Variants in CDK5RAP2 observed in about 807,000 individuals in gnomAD.
CDK5RAP2 encodes the protein CDK5 regulatory subunit associated protein 2.
Under a neutral mutation model 232.9 loss-of-function variants are expected in CDK5RAP2, and 147 were observed. That is an observed-to-expected ratio of 0.63 (90% confidence interval 0.55 to 0.72). CDK5RAP2 has a LOEUF of 0.72. CDK5RAP2 is among the 30% of genes least tolerant of loss of function. The probability of loss-of-function intolerance (pLI) is 0.00; values close to 1 mark genes in which losing one functional copy is unlikely to be tolerated. For synonymous variants in CDK5RAP2, 833 were observed against 833.7 expected (o/e 1.00, Z 0.01); for missense variants, 2,195 against 2,231.5 (o/e 0.98, Z 0.33).
rs1326246739 is a variant in CDK5RAP2, at chr9:120,539,012, T to C, written c.507+29A>G. On this transcript the variant is annotated intron_variant, in intron 6 of 37. Transcript: ENST00000349780. ...CCTATTATTAACCCACTATAAGAAA[T>C]ACACTGCCCTCAGGATTTCCAGACT... 12 of 1,612,194 alleles carry C rather than the reference T, an allele frequency of 7.4e-6. 2 individuals carry two copies. The Admixed American group carries it at 1.3e-4, about 18-fold the overall frequency.
chr9:120,568,224 G>A (rs570184522), intron 3 of CDK5RAP2, 97 bp downstream of exon 3: 7 of 958,344 alleles, frequency 7.3e-6, no homozygotes, highest in African/African-American at 1.6e-5. Flanking sequence ...TGGCATCACC[G>A]AACTTAGATC....
intron 4 of CDK5RAP2, among the ~76,000 whole-genome samples, chr9:120,548,913 T>C (rs182331402): frequency 6.6e-6 from 1 of 152,124 alleles, no homozygotes; most frequent in African/African-American, 2.4e-5. Context: ...TCCAAGCACT[T>C]TGGGAGGCCA....
intron 3 of CDK5RAP2, among the ~76,000 whole-genome samples, chr9:120,552,504 T>G (rs1203290016): frequency 6.6e-6 from 1 of 152,120 alleles, no homozygotes; most frequent in Non-Finnish European, 1.5e-5. Flanking sequence ...CATGGAATAC[T>G]ATGCAGCCAT....
chr9:120,536,989 A>AG (rs1240666406), intron 6 of CDK5RAP2, among the ~76,000 whole-genome samples: 1 of 151,954 alleles, frequency 6.6e-6, no homozygotes, highest in Non-Finnish European at 1.5e-5. Flanking sequence ...AAAAAAAAAA[A>AG]AAAAACAACT....
At chr9:120,517,925 AT>A in intron 12 of CDK5RAP2, 1 of 283,598 alleles carries the variant, frequency 3.5e-6, no homozygotes, top group Non-Finnish European at 7.2e-6. Context: ...GTGGATAAAT[AT>A]TTATGTACAA....
intron 27 of CDK5RAP2, among the ~76,000 whole-genome samples, chr9:120,418,203 C>G (rs2034351786): frequency 6.6e-6 from 1 of 152,102 alleles, no homozygotes; most frequent in Non-Finnish European, 1.5e-5. Context: ...GAGCACTGCC[C>G]CAGTTCAGGT....
chr9:120,509,116 T>C lies in CDK5RAP2; in HGVS notation c.1311+9311A>G, dbSNP rs551232713. On this transcript the variant is annotated intron_variant, in intron 12 of 37. Transcript: ENST00000349780. ...ACTGAGATTCTCCAGAGTTTCTCAA[T>C]AGCAGAGCGCTCCGACTCCCTTCTT... 2.6e-5 allele frequency among the ~76,000 whole-genome samples: 4 copies of C among 152,328 alleles called. No homozygotes were observed. In the East Asian group the frequency reaches 7.7e-4, roughly 29 times the overall value.
intron 22 of CDK5RAP2, among the ~76,000 whole-genome samples, chr9:120,445,456 A>C (rs1395884795): frequency 6.6e-6 from 1 of 152,162 alleles, no homozygotes; most frequent in Non-Finnish European, 1.5e-5. Flanking sequence ...AGGGCTGTCC[A>C]TGCTTGCTGT....
intron 12 of CDK5RAP2, among the ~76,000 whole-genome samples, chr9:120,501,487 C>G (rs190263934): frequency 3.9e-5 from 6 of 152,316 alleles, no homozygotes; most frequent in Admixed American, 3.9e-4. Flanking sequence ...GCTGCTATAT[C>G]TCCAGCACCT....
intron 12 of CDK5RAP2, among the ~76,000 whole-genome samples, chr9:120,513,858 T>A (rs537232651): frequency 1.3e-5 from 2 of 152,304 alleles, no homozygotes; most frequent in Admixed American, 1.3e-4. Context: ...TAGCAGCTGG[T>A]GAGTAGGAGG....
Position 120,550,816 on chromosome 9 carries a change from G to C in CDK5RAP2, c.282C>G (p.Gly94=). The C allele has an allele frequency of 1.9e-6, 3 of 1,608,672 alleles. No individual in the cohort carries two copies. The highest frequency in any genetic ancestry group is 2.6e-6 in the Non-Finnish European group (3 of 1,175,064). The change falls in exon 4 of 38, where the codon GGC becomes GGG. Residue 94 remains glycine (G), a synonymous_variant. Transcript: ENST00000349780. ...LEERMQQEFH[G]PTEHIYKTNI... ...CAGTTTTGTAGATATGTTCAGTGGGGCCATGAAATTCCTGTTGCATTCTTT... is the reference window on the plus strand; with the variant it reads ...CAGTTTTGTAGATATGTTCAGTGGGCCCATGAAATTCCTGTTGCATTCTTT...
chr9:120,499,115 T>C (rs1405472206), intron 12 of CDK5RAP2, among the ~76,000 whole-genome samples: 6 of 152,166 alleles, frequency 3.9e-5, no homozygotes, highest in Non-Finnish European at 7.3e-5. Flanking sequence ...ATCTAAACAT[T>C]TATTGGTTAT....
intron 21 of CDK5RAP2, among the ~76,000 whole-genome samples, chr9:120,450,716 C>T (rs764389302): frequency 2.6e-5 from 4 of 152,308 alleles, no homozygotes; most frequent in African/African-American, 9.6e-5. Context: ...CAGAAGTAAA[C>T]TCTGCATTCC....
At chr9:120,407,932 G>A (rs914593) in intron 31 of CDK5RAP2, 1 of 289,514 alleles carries the variant, frequency 3.5e-6, no homozygotes, top group South Asian at 3.5e-5. Flanking sequence ...TTATAATAAA[G>A]GTCATTTCCT....
chr9:120,440,019 A>G (rs748869345), intron 23 of CDK5RAP2, 47 bp from the exon 24 acceptor site: 25 of 1,549,498 alleles, frequency 1.6e-5, no homozygotes, highest in Non-Finnish European at 2.1e-5. Flanking sequence ...ACTAAAATCC[A>G]AACCCTCTCT....
At position 120,415,027 on chromosome 9, in the gene CDK5RAP2, G is replaced by C; in HGVS notation, c.4297+13C>G. ...ACAGACATGTACAGTCCTCCAGGAAGGTCTTTCCTTACCTTGAACAAATTC... is the reference window on the plus strand; with the variant it reads ...ACAGACATGTACAGTCCTCCAGGAACGTCTTTCCTTACCTTGAACAAATTC... On this transcript the variant is annotated intron_variant, in intron 28 of 37. Coordinates refer to ENST00000349780, the MANE Select transcript of CDK5RAP2 (RefSeq NM_018249.6). 6.2e-7 allele frequency: 1 copy of C among 1,613,966 alleles called. No individual in the cohort carries two copies. The highest frequency in any genetic ancestry group is 2.2e-5 in the East Asian group (1 of 44,882).
At chr9:120,535,958 C>G (rs1215971119) in intron 7 of CDK5RAP2, among the ~76,000 whole-genome samples, 1 of 152,174 alleles carries the variant, frequency 6.6e-6, no homozygotes, top group Admixed American at 6.5e-5. Flanking sequence ...TGGGAAGAAC[C>G]ACAAGAGAAA....
chr9:120,569,046 GC>G (rs1234824252), intron 2 of CDK5RAP2, among the ~76,000 whole-genome samples: 1 of 152,206 alleles, frequency 6.6e-6, no homozygotes, highest in African/African-American at 2.4e-5. Flanking sequence ...TCGGTGCCAA[GC>G]CCCATCCTGC....
rs2038667439 is a variant in CDK5RAP2, at chr9:120,487,347, T to C, written c.1573A>G (p.Thr525Ala). The C allele has an allele frequency of 6.2e-7, 1 of 1,613,972 alleles. No homozygotes were observed. Among genetic ancestry groups the C allele is most frequent in the Non-Finnish European group, 8.5e-7 (1 of 1,180,000 alleles). The change falls in exon 14 of 38, where the codon ACA becomes GCA. Residue 525 changes from threonine (T) to alanine (A), a missense_variant. By Grantham distance (58) the Thr-to-Ala change is moderately conservative. Coordinates refer to ENST00000349780, the MANE Select transcript of CDK5RAP2 (RefSeq NM_018249.6). Reference sequence around the variant, plus strand: ...GGCTGTTGAGAAGAGCACTTTTCTGTTATTAAGCCTTCACTCCTGAGCTCA... The same window carrying C: ...GGCTGTTGAGAAGAGCACTTTTCTGCTATTAAGCCTTCACTCCTGAGCTCA... ...DLELRSEGLITEKCSSQQPPG... is the reference protein window; with the variant it reads ...DLELRSEGLIAEKCSSQQPPG...
Sources: gnomAD v4.1 joint callset for allele counts (sites outside exome capture counted in the v4.1 genomes callset) on GRCh38, gnomAD v4.1.1 for gene constraint, MANE v1.5 for transcripts, NCBI Gene and HGNC (gene_info 2026-07-23, HGNC 2026-07-21) for gene names.